VIM: variants seen among roughly 807,000 people sequenced by gnomAD.
The protein encoded by VIM is epididymis secretory sperm binding protein.
VIM carries 18 observed loss-of-function variants against 50.3 expected under a neutral mutation model. That is an observed-to-expected ratio of 0.36 (90% CI 0.25 to 0.53). The LOEUF (loss-of-function observed/expected upper bound fraction) is 0.53, where lower values mean the gene tolerates loss of function less well. Among genes scored for constraint, VIM ranks in the 20% least tolerant of loss-of-function variants. The pLI, the probability that VIM is intolerant of heterozygous loss-of-function variation, is 0.91. For missense variants in VIM, 551 were observed against 614.7 expected, an observed-to-expected ratio of 0.90 and a Z score of 1.10; for synonymous variants, 245 against 248.5, an observed-to-expected ratio of 0.99 and a Z score of 0.13.
chr10:17,228,974 T>C, intron 1 of VIM: 1 of 232,644 alleles, frequency 4.3e-6, no homozygotes, highest in Non-Finnish European at 8.6e-6. Flanking sequence ...TCTGGTTCAG[T>C]CCCAGGCGGA....
In VIM at chr10:17,235,880, A is replaced by G; in HGVS notation, c.1264A>G (p.Asn422Asp). 1 of 1,613,818 alleles carries G rather than the reference A, an allele frequency of 6.2e-7. No individual in the cohort carries two copies. Among genetic ancestry groups the G allele is most frequent in the Non-Finnish European group, 8.5e-7 (1 of 1,179,770 alleles). The change falls in exon 8 of 10, where the codon AAC (asparagine) becomes GAC (aspartate). Residue 422 changes from asparagine (N) to aspartate (D), a missense_variant. Transcript: ENST00000544301. ...SLPLPNFSSL[N>D]LRETNLDSLP... ...GCCTCTTCCAAACTTTTCCTCCCTG[A>G]ACCTGAGGGGTAAGCATTTTATTTC...
chr10:17,229,477 G>A lies in VIM; in HGVS notation c.55G>A (p.Gly19Ser), dbSNP rs771023210. 3.1e-6 allele frequency: 5 copies of A among 1,606,632 alleles called. No homozygotes were observed. The South Asian group carries it at 5.5e-5, about 18-fold the overall frequency. Residue 19 changes from glycine (G) to serine (S), a missense_variant, in exon 2 of 10, where the codon GGC (glycine) becomes AGC (serine). Transcript: ENST00000544301. ...SSYRRMFGGP[G>S]TASRPSSSRS... is the part of the protein sequence containing the mutation. ...CTACCGCAGGATGTTCGGCGGCCCG[G>A]GCACCGCGAGCCGGCCGAGCTCCAG... is the stretch of plus-strand genomic sequence containing the variant.
chr10:17,230,001 T>A lies in VIM; in HGVS notation c.563+16T>A, dbSNP rs769307867. The A allele has an allele frequency of 1.2e-5, 19 of 1,600,718 alleles. No individual in the cohort carries two copies. In the East Asian group the frequency reaches 3.6e-4, roughly 30 times the overall value. ...TCCGGGAGAAGTAAGGCTGCGCCCA[T>A]GCAAGTAGCTGGGCCTCGGGAGGGG... On this transcript the variant is annotated intron_variant, in intron 2 of 9. Transcript: ENST00000544301.
intron 3 of VIM, chr10:17,231,241 T>G (rs1263793446): frequency 6.5e-6 from 1 of 153,350 alleles, no homozygotes; most frequent in Admixed American, 6.5e-5. Context: ...ATAAGAAAAC[T>G]TAGTTTCCAA....
At chr10:17,230,155 C>A in intron 2 of VIM, 170 bp downstream of exon 2, 1 of 789,972 alleles carries the variant, frequency 1.3e-6, no homozygotes, top group South Asian at 1.8e-5. Context: ...CGCAGCCCCG[C>A]CCAGAACCCA....
chr10:17,237,227 C>A lies in VIM; in HGVS notation c.1360-3C>A. On this transcript the variant is annotated splice_region_variant and splice_polypyrimidine_tract_variant and intron_variant, in intron 9 of 9. Coordinates refer to ENST00000544301, the MANE Select transcript of VIM (RefSeq NM_003380.5). ...ATTTATTTTGGTTTTTTTTTTTAAA[C>A]AGGTTATCAACGAAACTTCTCAGCA... 6.3e-7 allele frequency: 1 copy of A among 1,598,710 alleles called. No homozygotes were observed. Among genetic ancestry groups the A allele is most frequent in the East Asian group, 2.2e-5 (1 of 44,740 alleles).
Position 17,229,470 on chromosome 10 carries a change from C to A in VIM, c.48C>A (p.Gly16=). The change falls in exon 2 of 10, where the codon GGC becomes GGA. Residue 16 remains glycine (G), a synonymous_variant. Transcript: ENST00000544301. The stretch of plus-strand genomic sequence containing the variant: ...CGTCCTCCTACCGCAGGATGTTCGG[C>A]GGCCCGGGCACCGCGAGCCGGCCGA... ...VSSSSYRRMF[G]GPGTASRPSS... The A allele has an allele frequency of 6.2e-7, 1 of 1,606,632 alleles. No individual in the cohort carries two copies. Among genetic ancestry groups the A allele is most frequent in the Non-Finnish European group, 8.5e-7 (1 of 1,179,022 alleles).
intron 3 of VIM, among the ~76,000 whole-genome samples, chr10:17,231,338 AT>A (rs35359588): frequency 0.17 from 26,446 of 152,168 alleles, 3,057 homozygotes; most frequent in Non-Finnish European, 0.27. Context: ...ATGCACAACT[AT>A]TTTGTGATCT....
At chr10:17,230,897 T>G in intron 3 of VIM, 187 bp downstream of exon 3, 2 of 596,632 alleles carry the variant, frequency 3.4e-6, no homozygotes, top group Non-Finnish European at 5.8e-6. Flanking sequence ...ATAAAACCCC[T>G]TGAGCGATTT....
chr10:17,234,861 A>G (rs745328929), intron 6 of VIM, 43 bp downstream of exon 6: 3 of 1,613,762 alleles, frequency 1.9e-6, no homozygotes, highest in Non-Finnish European at 2.5e-6. Flanking sequence ...ATAATGACCC[A>G]TTCTGCTGAC....
chr10:17,230,607 G>C, intron 2 of VIM, 43 bp from the exon 3 acceptor site: 1 of 1,611,912 alleles, frequency 6.2e-7, no homozygotes, highest in Non-Finnish European at 8.5e-7. Flanking sequence ...CCCGCCCCTG[G>C]CGGTTTCCTC....
intron 3 of VIM, among the ~76,000 whole-genome samples, chr10:17,231,773 G>GTTT (rs11349733): frequency 1.4e-5 from 2 of 141,662 alleles, no homozygotes; most frequent in African/African-American, 5.1e-5. Flanking sequence ...TTTTGTGCGT[G>GTTT]TTTTTTTTTT....
chr10:17,234,003 A>G lies in VIM; in HGVS notation c.882+72A>G, dbSNP rs138493820. Reference sequence around the variant, plus strand: ...TCTCAAAACCCCATACCTGTGTGTGATTCCTAAATATCCTCTAGCTCCAAT... The same window carrying G: ...TCTCAAAACCCCATACCTGTGTGTGGTTCCTAAATATCCTCTAGCTCCAAT... On this transcript the variant is annotated intron_variant, in intron 5 of 9. Transcript: ENST00000544301. 7.9e-5 allele frequency: 123 copies of G among 1,547,240 alleles called. No individual in the cohort carries two copies. The African/African-American group carries it at 1.3e-3, about 17-fold the overall frequency.
chr10:17,229,335 C>G lies in VIM; in HGVS notation c.-88C>G, dbSNP rs894139166. Reference sequence around the variant, plus strand: ...AGAGACGCAGCCGCGCTCCCACCACCCACACCCACCGCGCCCTCGTTCGCC... The same window carrying G: ...AGAGACGCAGCCGCGCTCCCACCACGCACACCCACCGCGCCCTCGTTCGCC... On this transcript the variant is annotated 5_prime_UTR_variant, in exon 2 of 10. Coordinates refer to ENST00000544301, the MANE Select transcript of VIM (RefSeq NM_003380.5). 5 of 1,391,630 alleles carry G rather than the reference C, an allele frequency of 3.6e-6. No homozygotes were observed. Among genetic ancestry groups the G allele is most frequent in the African/African-American group, 1.4e-5 (1 of 69,890 alleles). The allele number at this position is 1,391,630 out of a possible 1,614,324, so 86.2% of individuals were successfully genotyped here. A position where few individuals can be genotyped will look rare whatever the true frequency, so the allele number is the denominator to read the frequency against.
intron 5 of VIM, chr10:17,234,229 C>T (rs1846847798): frequency 2.6e-6 from 1 of 380,062 alleles, no homozygotes; most frequent in Admixed American, 4.1e-5. Context: ...GATTCTCCTG[C>T]CTCAGCCCCC....
At chr10:17,235,071 C>G (rs1846863013) in intron 6 of VIM, 98 bp from the exon 7 acceptor site, 4 of 1,409,416 alleles carry the variant, frequency 2.8e-6, no homozygotes, top group Non-Finnish European at 3.0e-6. Flanking sequence ...TCGCCATTTG[C>G]CGCTAATGGA....
intron 7 of VIM, 109 bp from the exon 8 acceptor site, chr10:17,235,737 T>C: frequency 9.4e-7 from 1 of 1,064,724 alleles, no homozygotes; most frequent in South Asian, 1.3e-5. Context: ...GTTTATGATT[T>C]AAAACAGTAC....
At chr10:17,234,015 C>CCT (rs1031954980) in intron 5 of VIM, 84 bp downstream of exon 5, 337 of 1,534,992 alleles carry the variant, frequency 2.2e-4, no homozygotes, top group Middle Eastern at 2.2e-3. Context: ...TCCTAAATAT[C>CCT]CTCTAGCTCC....
chr10:17,229,308 C>A lies in VIM; in HGVS notation c.-115C>A. ...CCACTCTCGCTCCGAGGTCCCCGCG[C>A]CAGAGACGCAGCCGCGCTCCCACCA... On this transcript the variant is annotated 5_prime_UTR_variant, in exon 2 of 10. Coordinates refer to ENST00000544301, the MANE Select transcript of VIM (RefSeq NM_003380.5). 1 of 1,136,176 alleles carries A rather than the reference C, an allele frequency of 8.8e-7. No homozygotes were observed. Among genetic ancestry groups the A allele is most frequent in the Non-Finnish European group, 1.3e-6 (1 of 794,918 alleles). The allele number at this position is 1,136,176 out of a possible 1,614,324, so 70.4% of individuals were successfully genotyped here.
Sources: gnomAD v4.1 joint callset for allele counts (sites outside exome capture counted in the v4.1 genomes callset) on GRCh38, gnomAD v4.1.1 for gene constraint, MANE v1.5 for transcripts, NCBI Gene and HGNC (gene_info 2026-07-23, HGNC 2026-07-21) for gene names.